The following ASAP1 variants were observed in gnomAD, a reference collection of about 807,000 sequenced individuals.
ASAP1 encodes ArfGAP with SH3 domain, ankyrin repeat and PH domain 1.
In ASAP1, 43 loss-of-function variants were observed where a neutral mutation model predicts 145.2. The ratio of observed to expected loss-of-function variants is 0.30; its 90% CI spans 0.23 to 0.38. The LOEUF is 0.38. ASAP1 is among the 10% of genes least tolerant of loss of function. ASAP1 has a pLI of 1.00. For synonymous variants in ASAP1, 546 were observed against 515.5 expected (o/e 1.06, Z -0.80); for missense variants, 1,018 against 1,355.3 (o/e 0.75, Z 3.91).
chr8:130,209,561 A>G (rs1327503120), intron 5 of ASAP1, among the ~76,000 whole-genome samples: 1 of 152,056 alleles, frequency 6.6e-6, no homozygotes, highest in Non-Finnish European at 1.5e-5. Flanking sequence ...AAAAAAAAAA[A>G]AAAGAAAGGC....
chr8:130,424,327 T>C (rs542717664), intron 1 of ASAP1, among the ~76,000 whole-genome samples: 3 of 152,228 alleles, frequency 2.0e-5, no homozygotes, highest in East Asian at 1.9e-4. Flanking sequence ...CCCCAGCCTA[T>C]TGGTCTGACG....
At chr8:130,254,396 TGG>T (rs1819390246) in intron 3 of ASAP1, among the ~76,000 whole-genome samples, 1 of 152,110 alleles carries the variant, frequency 6.6e-6, no homozygotes, top group South Asian at 2.1e-4. Context: ...AATCATACAG[TGG>T]TCTGTTATGG....
At chr8:130,202,373 G>A (rs1815921325) in intron 5 of ASAP1, among the ~76,000 whole-genome samples, 1 of 151,784 alleles carries the variant, frequency 6.6e-6, no homozygotes, top group South Asian at 2.1e-4. Flanking sequence ...TAGTGCTTTA[G>A]GGTAAACTAT....
At chr8:130,128,139 ATTTTT>A (rs745416119) in intron 15 of ASAP1, 49 bp from the exon 16 acceptor site, 1,876 of 178,526 alleles carry the variant, frequency 0.011, no homozygotes, top group East Asian at 0.021. Context: ...GAGCATGGTC[ATTTTT>A]TTTTTTTTTT....
intron 3 of ASAP1, among the ~76,000 whole-genome samples, chr8:130,344,312 G>A (rs926576871): frequency 6.6e-6 from 1 of 151,992 alleles, no homozygotes; most frequent in Non-Finnish European, 1.5e-5. Flanking sequence ...AATTTGAACA[G>A]CGACTGAATA....
At chr8:130,146,992 G>A (rs1055015141) in intron 13 of ASAP1, among the ~76,000 whole-genome samples, 2 of 151,978 alleles carry the variant, frequency 1.3e-5, no homozygotes, top group Non-Finnish European at 2.9e-5. Context: ...TTGGGAAGCC[G>A]AGGTGGGTGG....
intron 26 of ASAP1, among the ~76,000 whole-genome samples, chr8:130,078,027 T>G (rs1450861180): frequency 6.6e-6 from 1 of 151,682 alleles, no homozygotes. Context: ...AGTCTCGCTG[T>G]CACCTAGGCT....
At chr8:130,395,692 A>T (rs890088803) in intron 2 of ASAP1, among the ~76,000 whole-genome samples, 3 of 151,066 alleles carry the variant, frequency 2.0e-5, no homozygotes, top group Non-Finnish European at 4.4e-5. Context: ...TTTGAGACAG[A>T]GTCTCACTCT....
chr8:130,086,122 C>A (rs1382319733), intron 25 of ASAP1, among the ~76,000 whole-genome samples: 1 of 152,224 alleles, frequency 6.6e-6, no homozygotes. Flanking sequence ...GCTTCATGGG[C>A]ACAGAAACCA....
intron 2 of ASAP1, among the ~76,000 whole-genome samples, chr8:130,362,400 T>C (rs938789646): frequency 2.0e-5 from 3 of 152,234 alleles, no homozygotes; most frequent in Admixed American, 1.3e-4. Context: ...TTTTATTACA[T>C]GGACCTGAGC....
At chr8:130,072,093 T>C (rs755139545) in intron 27 of ASAP1, among the ~76,000 whole-genome samples, 1 of 152,126 alleles carries the variant, frequency 6.6e-6, no homozygotes, top group Non-Finnish European at 1.5e-5. Context: ...GGTCCTACCC[T>C]ATACCCTGGG....
chr8:130,207,020 C>A (rs972300862), intron 5 of ASAP1, among the ~76,000 whole-genome samples: 1 of 152,066 alleles, frequency 6.6e-6, no homozygotes, highest in Non-Finnish European at 1.5e-5. Context: ...TTTTTCAGTA[C>A]TATACATTTA....
chr8:130,401,832 G>A (rs192585215), intron 2 of ASAP1, 53 bp downstream of exon 2: 256 of 1,546,696 alleles, frequency 1.7e-4, no homozygotes, highest in Non-Finnish European at 2.0e-4. Context: ...GAAGAATCCC[G>A]CTGTATCTCC....
chr8:130,243,898 A>C (rs988589161), intron 3 of ASAP1, among the ~76,000 whole-genome samples: 96 of 152,174 alleles, frequency 6.3e-4, no homozygotes, highest in African/African-American at 2.1e-3. Context: ...ATCTGTCCCA[A>C]TAGAATGTAA....
intron 5 of ASAP1, among the ~76,000 whole-genome samples, chr8:130,201,920 A>G (rs770489584): frequency 6.6e-6 from 1 of 152,162 alleles, no homozygotes; most frequent in Non-Finnish European, 1.5e-5. Flanking sequence ...TCTTTTACTC[A>G]GGACACACCT....
intron 27 of ASAP1, among the ~76,000 whole-genome samples, chr8:130,063,656 A>G (rs542798600): frequency 9.2e-5 from 14 of 152,300 alleles, no homozygotes; most frequent in African/African-American, 3.4e-4. Context: ...GGATATCACC[A>G]TCATCCCCAT....
chr8:130,191,049 G>GT (rs34379401), intron 5 of ASAP1, among the ~76,000 whole-genome samples: 262 of 143,958 alleles, frequency 1.8e-3, no homozygotes, highest in South Asian at 4.2e-3. Flanking sequence ...CCGGGAAATA[G>GT]TTTTTTTTTT....
chr8:130,109,294 C>G (rs1195687887), intron 24 of ASAP1, among the ~76,000 whole-genome samples: 5 of 152,136 alleles, frequency 3.3e-5, no homozygotes, highest in Non-Finnish European at 7.4e-5. Flanking sequence ...CTCTGAGACT[C>G]TGGGGCACTG....
chr8:130,297,814 A>G (rs1156777275), intron 3 of ASAP1, among the ~76,000 whole-genome samples: 1 of 152,234 alleles, frequency 6.6e-6, no homozygotes, highest in African/African-American at 2.4e-5. Context: ...GGGTGCACCC[A>G]AAATCAGCCT....
Sources: allele counts gnomAD v4.1 joint callset (sites outside exome capture counted in the v4.1 genomes callset), GRCh38; gene constraint gnomAD v4.1.1; transcripts MANE v1.5; gene names NCBI Gene and HGNC (gene_info 2026-07-23, HGNC 2026-07-21).